The following MEMO1 variants were observed in gnomAD, a reference collection of about 807,000 sequenced individuals.
MEMO1 encodes mediator of cell motility 1.
Under a neutral mutation model 45.2 loss-of-function variants are expected in MEMO1, and 6 were observed. The observed-to-expected ratio is 0.13, with a 90% CI of 0.07 to 0.26. The LOEUF is 0.26. MEMO1 is among the 10% of genes least tolerant of loss of function. The pLI is 1.00. For synonymous variants in MEMO1, 78 were observed against 124.3 expected (o/e 0.63, Z 2.48); for missense variants, 184 against 370.5 (o/e 0.50, Z 4.13).
intron 2 of MEMO1, among the ~76,000 whole-genome samples, chr2:31,958,636 T>C (rs1667664463): frequency 6.6e-6 from 1 of 151,780 alleles, no homozygotes; most frequent in Non-Finnish European, 1.5e-5. Context: ...GTGTGTGGTG[T>C]TTTGTTTTGT....
chr2:31,968,694 C>T (rs975745796), intron 2 of MEMO1, among the ~76,000 whole-genome samples: 17 of 152,112 alleles, frequency 1.1e-4, no homozygotes, highest in Admixed American at 6.6e-5. Context: ...CATGCTTTCC[C>T]GAAAATTCCT....
intron 2 of MEMO1, among the ~76,000 whole-genome samples, chr2:31,952,726 GA>G (rs1055365267): frequency 4.6e-5 from 7 of 151,826 alleles, no homozygotes; most frequent in South Asian, 2.1e-4. Flanking sequence ...TTTTTCATTA[GA>G]AAAAAAGCAT....
intron 6 of MEMO1, chr2:31,893,417 G>A (rs1158150127): frequency 5.7e-5 from 57 of 1,007,356 alleles, no homozygotes; most frequent in Non-Finnish European, 6.9e-5. Context: ...CTCCCTGACT[G>A]AATAGGGGCT....
intron 6 of MEMO1, among the ~76,000 whole-genome samples, chr2:31,896,320 C>A (rs553824448): frequency 6.6e-6 from 1 of 152,068 alleles, no homozygotes; most frequent in African/African-American, 2.4e-5. Flanking sequence ...GATCCTAGAA[C>A]TATAAGAGCT....
chr2:31,911,158 T>C (rs1680511046), intron 6 of MEMO1, among the ~76,000 whole-genome samples: 1 of 151,940 alleles, frequency 6.6e-6, no homozygotes, highest in African/African-American at 2.4e-5. Context: ...CTATGGTACA[T>C]CCACAAAATG....
intron 2 of MEMO1, among the ~76,000 whole-genome samples, chr2:32,005,143 C>A (rs1296099576): frequency 2.0e-5 from 3 of 151,788 alleles, no homozygotes; most frequent in African/African-American, 4.8e-5. Flanking sequence ...ATTAATCTTA[C>A]AAATGTAACA....
Position 31,972,498 on chromosome 2 carries a change from G to C in MEMO1, c.62-29115C>G, listed in dbSNP as rs138551373. On this transcript the variant is annotated intron_variant, in intron 2 of 9. Coordinates refer to ENST00000404530, the MANE Select transcript of MEMO1 (RefSeq NM_001301833.4). The stretch of plus-strand genomic sequence containing the variant: ...GGCCGAGGCAGGTGGATCACTTGAG[G>C]TCAGGAGTTCTAGACCAGCCTGGCC... Among the ~76,000 whole-genome samples the C allele has an allele frequency of 6.8e-3, 1,031 of 152,248 alleles. 3 individuals are homozygous for C. Among genetic ancestry groups the C allele is most frequent in the Middle Eastern group, 0.037 (11 of 294 alleles).
At chr2:31,915,519 T>G (rs1439920697) in intron 6 of MEMO1, among the ~76,000 whole-genome samples, 4 of 151,420 alleles carry the variant, frequency 2.6e-5, no homozygotes, top group African/African-American at 9.7e-5. Context: ...ATAATAGGCC[T>G]AGAAACTTCT....
At chr2:31,983,105 AC>A in intron 2 of MEMO1, among the ~76,000 whole-genome samples, 1 of 151,638 alleles carries the variant, frequency 6.6e-6, no homozygotes, top group Admixed American at 6.6e-5. Flanking sequence ...ATACAAACCC[AC>A]AAAAATTAGC....
intron 7 of MEMO1, among the ~76,000 whole-genome samples, chr2:31,891,636 A>G (rs1233476197): frequency 6.6e-6 from 1 of 152,160 alleles, no homozygotes; most frequent in Non-Finnish European, 1.5e-5. Context: ...CTATACTCTA[A>G]AGAACATTGG....
intron 2 of MEMO1, among the ~76,000 whole-genome samples, chr2:31,994,162 T>C (rs1250371160): frequency 6.7e-6 from 1 of 149,054 alleles, no homozygotes; most frequent in Non-Finnish European, 1.5e-5. Context: ...GGTTTCACCA[T>C]GTTGGCCAGG....
chr2:31,954,462 T>TA (rs1667185498), intron 2 of MEMO1, among the ~76,000 whole-genome samples: 1 of 152,096 alleles, frequency 6.6e-6, no homozygotes, highest in Non-Finnish European at 1.5e-5. Context: ...ATTAATTTTT[T>TA]TAAAAAAATC....
At chr2:31,926,899 C>G (rs138577770) in intron 4 of MEMO1, among the ~76,000 whole-genome samples, 1 of 151,908 alleles carries the variant, frequency 6.6e-6, no homozygotes, top group African/African-American at 2.4e-5. Context: ...TGATTTTTTA[C>G]TATCATATAA....
intron 2 of MEMO1, among the ~76,000 whole-genome samples, chr2:31,996,188 G>A (rs1672579640): frequency 6.6e-6 from 1 of 151,326 alleles, no homozygotes; most frequent in Admixed American, 6.6e-5. Context: ...AGAGGAGAGG[G>A]AGAGAGAGAG....
chr2:31,978,968 CA>C lies in MEMO1; in HGVS notation c.61+31218del, dbSNP rs534353815. Among the ~76,000 whole-genome samples, 625 of 151,680 alleles carry C rather than the reference CA, an allele frequency of 4.1e-3. 9 individuals carry two copies. The highest frequency in any genetic ancestry group is 0.015 in the African/African-American group (615 of 41,382). On this transcript the variant is annotated intron_variant, in intron 2 of 9. Transcript: ENST00000404530. ...TATGAAATGATTATCCATCCCCCCCCAAAAAAAAGTCTTGATGTATTTCACA... is the reference window on the plus strand; with the variant it reads ...TATGAAATGATTATCCATCCCCCCCCAAAAAAAGTCTTGATGTATTTCACA...
chr2:31,896,994 A>G (rs998920019), intron 6 of MEMO1, among the ~76,000 whole-genome samples: 13 of 152,158 alleles, frequency 8.5e-5, no homozygotes, highest in African/African-American at 3.1e-4. Flanking sequence ...GCAATTGTGA[A>G]TGGGAGTTCA....
chr2:31,934,165 G>A (rs529356735), intron 3 of MEMO1, among the ~76,000 whole-genome samples: 17 of 152,254 alleles, frequency 1.1e-4, no homozygotes, highest in African/African-American at 3.6e-4. Flanking sequence ...TTTGCTCTCA[G>A]TTGTCACTCA....
intron 2 of MEMO1, among the ~76,000 whole-genome samples, chr2:31,946,926 A>G (rs1232305505): frequency 1.3e-5 from 2 of 152,172 alleles, no homozygotes; most frequent in Non-Finnish European, 2.9e-5. Flanking sequence ...TTTTGTTACA[A>G]CTGCCTGTAG....
At chr2:31,924,010 T>G (rs946648216) in intron 4 of MEMO1, among the ~76,000 whole-genome samples, 7 of 152,190 alleles carry the variant, frequency 4.6e-5, no homozygotes, top group Non-Finnish European at 1.0e-4. Context: ...AGATTCTTTC[T>G]GGTTTGGTAG....
Sources: gnomAD v4.1 joint callset for allele counts (sites outside exome capture counted in the v4.1 genomes callset) on GRCh38, gnomAD v4.1.1 for gene constraint, MANE v1.5 for transcripts, NCBI Gene and HGNC (gene_info 2026-07-23, HGNC 2026-07-21) for gene names.